The following SLC38A6 variants were observed in gnomAD, a reference collection of about 807,000 sequenced individuals.
SLC38A6 encodes the protein N system amino acid transporter NAT-1.
In SLC38A6, 73 loss-of-function variants were observed where a neutral mutation model predicts 65.0. The ratio of observed to expected loss-of-function variants is 1.12; its 90% CI spans 0.93 to 1.37. The LOEUF is 1.37. Ranked by LOEUF, SLC38A6 falls within the 40% of genes most tolerant of loss-of-function variation. The pLI is 0.00. For missense variants in SLC38A6, 561 were observed against 531.1 expected (o/e 1.06, Z -0.55); for synonymous variants, 183 against 178.8 (o/e 1.02, Z -0.19).
At chr14:61,064,881 A>G (rs2042972516) in intron 15 of SLC38A6, among the ~76,000 whole-genome samples, 1 of 152,188 alleles carries the variant, frequency 6.6e-6, no homozygotes, top group South Asian at 2.1e-4. Context: ...GTTGAGGGTG[A>G]ATGTTTAAAT....
intron 16 of SLC38A6, among the ~76,000 whole-genome samples, chr14:61,082,254 C>T (rs890742930): frequency 2.0e-5 from 3 of 152,190 alleles, no homozygotes; most frequent in Admixed American, 1.3e-4. Flanking sequence ...CGGCTGAAAT[C>T]GTAAAACTGG....
intron 7 of SLC38A6, 127 bp downstream of exon 7, chr14:61,037,268 T>C: frequency 1.5e-6 from 1 of 676,910 alleles, no homozygotes; most frequent in Non-Finnish European, 2.4e-6. Context: ...ATGGTGGTTG[T>C]GTATAATTTT....
chr14:61,038,833 CTCT>C (rs1209002547), intron 8 of SLC38A6, among the ~76,000 whole-genome samples: 1 of 152,080 alleles, frequency 6.6e-6, no homozygotes, highest in Non-Finnish European at 1.5e-5. Flanking sequence ...AAAATCATTC[CTCT>C]TCTTCTCTCC....
chr14:61,063,553 T>C (rs2042925085), intron 15 of SLC38A6, among the ~76,000 whole-genome samples: 1 of 152,226 alleles, frequency 6.6e-6, no homozygotes, highest in Non-Finnish European at 1.5e-5. Flanking sequence ...AGTAAAAATG[T>C]AATCCTACCC....
chr14:61,037,134 CA>C lies in SLC38A6; in HGVS notation c.562del (p.Ile188Ter). On this transcript the variant is annotated frameshift_variant, in exon 7 of 16. Transcript: ENST00000267488. LOFTEE classifies it high-confidence loss of function. ...TTGTGTTCCCTCTTGCACTTCTTCC[CA>C]AAATAGGTAAGTCTTTATAGAGCAC... ...GIVFPLALLP[K>X]IGFLGYTSSL... The C allele has an allele frequency of 1.3e-6, 2 of 1,598,106 alleles. No individual in the cohort carries two copies. The highest frequency in any genetic ancestry group is 1.7e-6 in the Non-Finnish European group (2 of 1,171,338).
intron 5 of SLC38A6, among the ~76,000 whole-genome samples, chr14:61,023,803 ATCAATATTTGTT>A (rs1185122846): frequency 3.9e-5 from 6 of 152,016 alleles, no homozygotes; most frequent in African/African-American, 7.2e-5. Flanking sequence ...ATTGCCCTTG[ATCAATATTTGTT>A]TCATGTGTCT....
intron 8 of SLC38A6, among the ~76,000 whole-genome samples, chr14:61,040,335 A>G (rs1386848449): frequency 6.8e-6 from 1 of 146,550 alleles, no homozygotes; most frequent in African/African-American, 2.5e-5. Flanking sequence ...CCACGCCTGG[A>G]TAATTTTTTT....
intron 6 of SLC38A6, among the ~76,000 whole-genome samples, chr14:61,032,821 A>G (rs1391884860): frequency 6.6e-6 from 1 of 151,916 alleles, no homozygotes; most frequent in Non-Finnish European, 1.5e-5. Context: ...TATTTCTTCT[A>G]TGAGAGAAAC....
At chr14:61,018,351 T>C (rs938417840) in intron 4 of SLC38A6, among the ~76,000 whole-genome samples, 1 of 152,214 alleles carries the variant, frequency 6.6e-6, no homozygotes, top group Non-Finnish European at 1.5e-5. Flanking sequence ...CAGAATTTTT[T>C]CTGGAGAGCG....
At chr14:61,062,878 C>T (rs2042899929) in intron 15 of SLC38A6, among the ~76,000 whole-genome samples, 1 of 152,110 alleles carries the variant, frequency 6.6e-6, no homozygotes, top group African/African-American at 2.4e-5. Context: ...AGGGTTTCGC[C>T]ATGTTGGCCA....
chr14:61,014,385 G>A (rs567753055), intron 3 of SLC38A6, among the ~76,000 whole-genome samples: 33 of 152,192 alleles, frequency 2.2e-4, no homozygotes, highest in African/African-American at 6.7e-4. Context: ...CTCTCAACTC[G>A]TCAAAGTCAT....
intron 5 of SLC38A6, among the ~76,000 whole-genome samples, chr14:61,025,691 T>G (rs1594637227): frequency 6.6e-6 from 1 of 152,288 alleles, no homozygotes; most frequent in East Asian, 1.9e-4. Flanking sequence ...CTGAAAATGA[T>G]AAGACAAAGA....
chr14:60,989,446 A>G (rs765153264), intron 3 of SLC38A6, among the ~76,000 whole-genome samples: 1 of 152,190 alleles, frequency 6.6e-6, no homozygotes, highest in African/African-American at 2.4e-5. Flanking sequence ...AAACCAGGCC[A>G]GGTGTGGTGT....
intron 4 of SLC38A6, among the ~76,000 whole-genome samples, chr14:61,017,389 T>C (rs1284700835): frequency 1.3e-5 from 2 of 152,192 alleles, no homozygotes; most frequent in Non-Finnish European, 2.9e-5. Context: ...ATATACTATA[T>C]AGCATCATGG....
At chr14:61,002,032 G>A (rs905758206) in intron 3 of SLC38A6, 7 of 152,040 alleles carry the variant, frequency 4.6e-5, no homozygotes, top group African/African-American at 1.7e-4. Context: ...TCCATAGGTT[G>A]AAGCCAAAAG....
chr14:61,001,048 A>C (rs1169206103), intron 3 of SLC38A6, among the ~76,000 whole-genome samples: 1 of 152,194 alleles, frequency 6.6e-6, no homozygotes, highest in African/African-American at 2.4e-5. Context: ...GTCTATCTAA[A>C]GTGAATTTGT....
intron 3 of SLC38A6, among the ~76,000 whole-genome samples, chr14:61,007,748 A>C (rs1381301813): frequency 6.6e-6 from 1 of 151,774 alleles, no homozygotes; most frequent in Non-Finnish European, 1.5e-5. Flanking sequence ...GGTTCATATA[A>C]TATGGAACAA....
At chr14:61,021,747 T>C (rs1190736071) in intron 5 of SLC38A6, among the ~76,000 whole-genome samples, 1 of 152,232 alleles carries the variant, frequency 6.6e-6, no homozygotes, top group Non-Finnish European at 1.5e-5. Context: ...AATGATATCC[T>C]CATGATTTTC....
chr14:60,988,298 G>C (rs1175816280), intron 3 of SLC38A6, among the ~76,000 whole-genome samples: 1 of 152,112 alleles, frequency 6.6e-6, no homozygotes, highest in Admixed American at 6.5e-5. Context: ...TCTCATGAAT[G>C]TATACCATCT....
Sources: allele counts gnomAD v4.1 joint callset (sites outside exome capture counted in the v4.1 genomes callset), GRCh38; gene constraint gnomAD v4.1.1; transcripts MANE v1.5; gene names NCBI Gene and HGNC (gene_info 2026-07-23, HGNC 2026-07-21).